The following AFF3 variants were observed in gnomAD, a reference collection of about 807,000 sequenced individuals.
AFF3 encodes the protein ALF transcription elongation factor 3.
In AFF3, 32 loss-of-function variants were observed where a neutral mutation model predicts 129.7. The ratio of observed to expected loss-of-function variants is 0.25; its 90% CI spans 0.19 to 0.33. The LOEUF is 0.33. AFF3 is among the 10% of genes least tolerant of loss of function. The pLI, the probability that AFF3 is intolerant of heterozygous loss-of-function variation, is 1.00. For synonymous variants in AFF3, 644 were observed against 635.4 expected (o/e 1.01, Z -0.20); for missense variants, 1,373 against 1,592.0 (o/e 0.86, Z 2.34).
intron 7 of AFF3, among the ~76,000 whole-genome samples, chr2:99,910,675 C>CGA (rs1230961862): frequency 6.6e-6 from 1 of 152,230 alleles, no homozygotes; most frequent in African/African-American, 2.4e-5. Context: ...CAAAGCCCTT[C>CGA]GAGTTTCTCT....
intron 7 of AFF3, among the ~76,000 whole-genome samples, chr2:99,964,864 T>C (rs761922204): frequency 1.2e-4 from 19 of 152,148 alleles, no homozygotes; most frequent in Admixed American, 4.6e-4. Flanking sequence ...TTGTAAGATA[T>C]TAGCACTGGA....
At chr2:99,981,954 C>T (rs1679443335) in intron 7 of AFF3, among the ~76,000 whole-genome samples, 1 of 152,198 alleles carries the variant, frequency 6.6e-6, no homozygotes, top group Non-Finnish European at 1.5e-5. Context: ...GAATTGTCAA[C>T]TGTGGGAAGA....
intron 7 of AFF3, among the ~76,000 whole-genome samples, chr2:99,847,251 C>T (rs1689797321): frequency 6.6e-6 from 1 of 151,936 alleles, no homozygotes; most frequent in African/African-American, 2.4e-5. Flanking sequence ...TCTTGGCTCA[C>T]TGCAACCTCC....
In AFF3 at chr2:99,948,822, T is replaced by TG. The variant is rs1576411572; in HGVS notation, c.873+57809dup. 3.3e-5 allele frequency among the ~76,000 whole-genome samples: 5 copies of TG among 152,294 alleles called. No individual in the cohort carries two copies. The East Asian group carries it at 9.6e-4, about 29-fold the overall frequency. On this transcript the variant is annotated intron_variant, in intron 7 of 24. Transcript: ENST00000672756. ...AAACCCCCAACTGTCTTCTGTATCA[T>TG]GAGCTCACAACAAGATCCAATCTTC...
chr2:100,026,716 A>AT (rs1559069039), intron 4 of AFF3, among the ~76,000 whole-genome samples: 37 of 145,862 alleles, frequency 2.5e-4, no homozygotes, highest in Non-Finnish European at 4.8e-4. Context: ...TATATATATA[A>AT]ATATATATAT....
At chr2:99,984,183 T>C (rs1038244132) in intron 7 of AFF3, among the ~76,000 whole-genome samples, 1 of 152,174 alleles carries the variant, frequency 6.6e-6, no homozygotes, top group Non-Finnish European at 1.5e-5. Context: ...GTTAAGGCAA[T>C]TGTGGCTAGA....
intron 7 of AFF3, among the ~76,000 whole-genome samples, chr2:99,943,217 G>C (rs746872201): frequency 6.6e-5 from 10 of 152,146 alleles, no homozygotes; most frequent in Admixed American, 2.6e-4. Flanking sequence ...AGAGCACCAG[G>C]CAGGATAAAC....
chr2:99,701,524 T>A (rs1676863891), intron 11 of AFF3, among the ~76,000 whole-genome samples: 1 of 152,210 alleles, frequency 6.6e-6, no homozygotes, highest in Admixed American at 6.5e-5. Flanking sequence ...TAGATTCACA[T>A]GAAGGTGTCA....
chr2:99,904,539 T>A (rs1361338632), intron 7 of AFF3, among the ~76,000 whole-genome samples: 1 of 152,162 alleles, frequency 6.6e-6, no homozygotes, highest in Non-Finnish European at 1.5e-5. Flanking sequence ...TATAACAATA[T>A]CAGACTCTGA....
chr2:99,598,385 A>T (rs992504994), intron 14 of AFF3, among the ~76,000 whole-genome samples: 4 of 152,138 alleles, frequency 2.6e-5, no homozygotes, highest in African/African-American at 9.7e-5. Flanking sequence ...AGCAGATTAG[A>T]CTCCGGTGAG....
chr2:99,835,886 G>A (rs1486425178), intron 8 of AFF3, among the ~76,000 whole-genome samples: 1 of 152,200 alleles, frequency 6.6e-6, no homozygotes, highest in Non-Finnish European at 1.5e-5. Context: ...GGCGGTGGGA[G>A]GGAGGGGAGG....
chr2:99,812,760 T>TA (rs1686895528), intron 8 of AFF3, among the ~76,000 whole-genome samples: 1 of 152,230 alleles, frequency 6.6e-6, no homozygotes, highest in African/African-American at 2.4e-5. Flanking sequence ...TTCAGCTGTT[T>TA]AAAAGCAGAA....
chr2:99,733,393 C>A lies in AFF3; in HGVS notation c.1040-6265G>T, dbSNP rs200751339. Among the ~76,000 whole-genome samples the A allele has an allele frequency of 1.1e-4, 7 of 64,240 alleles. No individual in the cohort carries two copies. The East Asian group carries it at 4.9e-3, about 45-fold the overall frequency. The allele number at this position is 64,240 out of a possible 152,430, so 42.1% of individuals were successfully genotyped here. On this transcript the variant is annotated intron_variant, in intron 10 of 24. Transcript: ENST00000672756. Reference sequence around the variant, plus strand: ...AGACTCCGTCCAAAAAAAAAAAAAACCAAAACAACAACAACAACAACAACA... The same window carrying A: ...AGACTCCGTCCAAAAAAAAAAAAAAACAAAACAACAACAACAACAACAACA...
chr2:99,874,101 C>T (rs762944698), intron 7 of AFF3, among the ~76,000 whole-genome samples: 3 of 152,030 alleles, frequency 2.0e-5, no homozygotes, highest in Non-Finnish European at 2.9e-5. Flanking sequence ...AGCGTGAACC[C>T]GGGAGGTGGA....
intron 11 of AFF3, among the ~76,000 whole-genome samples, chr2:99,721,097 C>T (rs1350162226): frequency 6.6e-6 from 1 of 152,152 alleles, no homozygotes; most frequent in African/African-American, 2.4e-5. Flanking sequence ...GCTTCCATCT[C>T]ATATTATTAC....
chr2:99,929,032 T>C (rs562257954), intron 7 of AFF3, among the ~76,000 whole-genome samples: 64 of 152,198 alleles, frequency 4.2e-4, no homozygotes, highest in South Asian at 8.3e-4. Flanking sequence ...AAAAAAAGAA[T>C]AATTGACATC....
At chr2:100,045,034 C>G (rs945999940) in intron 4 of AFF3, among the ~76,000 whole-genome samples, 1 of 152,210 alleles carries the variant, frequency 6.6e-6, no homozygotes, top group Non-Finnish European at 1.5e-5. Flanking sequence ...TTTAATCTTT[C>G]CAACAGAGGC....
At chr2:99,599,890 A>G (rs1375802486) in intron 14 of AFF3, among the ~76,000 whole-genome samples, 8 of 152,124 alleles carry the variant, frequency 5.3e-5, no homozygotes, top group Admixed American at 6.6e-5. Flanking sequence ...CCCCATTAGA[A>G]TGTCAGCTCT....
At chr2:99,916,373 C>T (rs965337968) in intron 7 of AFF3, among the ~76,000 whole-genome samples, 5 of 152,182 alleles carry the variant, frequency 3.3e-5, no homozygotes, top group Non-Finnish European at 4.4e-5. Flanking sequence ...CAAAGTTACG[C>T]ATTTTTTATT....
Sources: gnomAD v4.1 joint callset for allele counts (sites outside exome capture counted in the v4.1 genomes callset) on GRCh38, gnomAD v4.1.1 for gene constraint, MANE v1.5 for transcripts, NCBI Gene and HGNC (gene_info 2026-07-23, HGNC 2026-07-21) for gene names.